ZNRF3: variants seen among roughly 807,000 people sequenced by gnomAD.
ZNRF3 encodes the protein zinc and ring finger 3.
A neutral mutation model predicts 72.5 loss-of-function variants in ZNRF3; 23 were observed. The ratio of observed to expected loss-of-function variants is 0.32; its 90% CI spans 0.23 to 0.45. The LOEUF (loss-of-function observed/expected upper bound fraction) is 0.45. ZNRF3 is among the 20% of genes least tolerant of loss of function. The probability of loss-of-function intolerance (pLI) is 1.00; values close to 1 mark genes in which losing one functional copy is unlikely to be tolerated. For synonymous variants in ZNRF3, 610 were observed against 545.3 expected (o/e 1.12, Z -1.65); for missense variants, 1,169 against 1,272.1 (o/e 0.92, Z 1.23).
chr22:28,903,313 T>G (rs469988), intron 1 of ZNRF3, among the ~76,000 whole-genome samples: 137,172 of 152,048 alleles, frequency 0.9, 62,776 homozygotes, highest in Non-Finnish European at 0.97. Flanking sequence ...TTGTTGTTCC[T>G]GGTTGCTCCG....
intron 1 of ZNRF3, among the ~76,000 whole-genome samples, chr22:28,923,358 T>C (rs921125774): frequency 2.0e-5 from 3 of 152,184 alleles, no homozygotes; most frequent in Non-Finnish European, 4.4e-5. Context: ...CCTGCACCCC[T>C]CTGGAAGCTC....
At position 29,048,371 on chromosome 22, in the gene ZNRF3, C is replaced by A; in HGVS notation, c.913-18C>A. 6.2e-7 allele frequency: 1 copy of A among 1,609,288 alleles called. No individual in the cohort carries two copies. Among genetic ancestry groups the A allele is most frequent in the Non-Finnish European group, 8.5e-7 (1 of 1,176,518 alleles). On this transcript the variant is annotated intron_variant, in intron 6 of 8. Coordinates refer to ENST00000544604, the MANE Select transcript of ZNRF3 (RefSeq NM_001206998.2). This position sits in a 1 kb window ranked among gnomAD's most constrained non-coding sequence, Gnocchi z 4.9. ...GCGAGGCTGAAGGCAGACTTGTGTC[C>A]CCTCTCTCCCTGCCCAGGAGCTGCG...
intron 2 of ZNRF3, among the ~76,000 whole-genome samples, chr22:29,038,872 C>G (rs994008535): frequency 6.6e-6 from 1 of 152,022 alleles, no homozygotes; most frequent in Non-Finnish European, 1.5e-5. Context: ...AAGTATTTTT[C>G]TCAAACAAGG....
intron 1 of ZNRF3, among the ~76,000 whole-genome samples, chr22:28,896,325 G>A (rs2033998289): frequency 6.6e-6 from 1 of 152,106 alleles, no homozygotes; most frequent in Non-Finnish European, 1.5e-5. Context: ...AGTAGAGACA[G>A]GGTTTCACCA....
chr22:28,922,050 TCA>T (rs1271405497), intron 1 of ZNRF3, among the ~76,000 whole-genome samples: 3 of 152,240 alleles, frequency 2.0e-5, no homozygotes, highest in African/African-American at 7.2e-5. Flanking sequence ...TACACCTTAT[TCA>T]CATAGCCTGA....
At chr22:29,044,966 C>A in intron 5 of ZNRF3, 76 bp downstream of exon 5, 1 of 1,062,502 alleles carries the variant, frequency 9.4e-7, no homozygotes, top group South Asian at 1.3e-5. Flanking sequence ...ACTCTCGTCA[C>A]CTTATTTTTT....
chr22:28,970,391 A>G (rs1001619881), intron 1 of ZNRF3, among the ~76,000 whole-genome samples: 2 of 152,230 alleles, frequency 1.3e-5, no homozygotes, highest in African/African-American at 2.4e-5. Flanking sequence ...AAGTGGAACA[A>G]TGGGAACCCA....
intron 2 of ZNRF3, among the ~76,000 whole-genome samples, chr22:29,001,518 C>T (rs1387251094): frequency 2.0e-5 from 3 of 148,352 alleles, no homozygotes; most frequent in Non-Finnish European, 3.0e-5. Context: ...GTTGCCCAGG[C>T]TGGAGTGCAG....
At chr22:29,051,594 ACT>A (rs1172565407) in intron 8 of ZNRF3, among the ~76,000 whole-genome samples, 2 of 134,530 alleles carry the variant, frequency 1.5e-5, no homozygotes, top group Non-Finnish European at 3.1e-5. Context: ...ACAGAGCGAG[ACT>A]CTGTCTTAAA....
chr22:28,912,170 TAA>T (rs2034330440), intron 1 of ZNRF3, among the ~76,000 whole-genome samples: 2 of 152,222 alleles, frequency 1.3e-5, no homozygotes, highest in Non-Finnish European at 2.9e-5. Context: ...TTGGAATGTT[TAA>T]AGTAGAAATA....
chr22:29,031,794 C>T (rs1156289683), intron 2 of ZNRF3, among the ~76,000 whole-genome samples: 3 of 152,150 alleles, frequency 2.0e-5, no homozygotes, highest in Admixed American at 6.5e-5. Flanking sequence ...TCGTGTTAAC[C>T]GCCCTTTTCC....
intron 2 of ZNRF3, among the ~76,000 whole-genome samples, chr22:28,993,917 G>A (rs1217508658): frequency 6.6e-6 from 1 of 152,134 alleles, no homozygotes; most frequent in African/African-American, 2.4e-5. Flanking sequence ...AGACTCAAGC[G>A]ATCCTCCTGC....
At chr22:29,046,017 T>C (rs2123883967) in intron 5 of ZNRF3, among the ~76,000 whole-genome samples, 1 of 152,296 alleles carries the variant, frequency 6.6e-6, no homozygotes, top group East Asian at 1.9e-4. Flanking sequence ...GGTCTCAGGC[T>C]CCGCTCCAGG....
At chr22:29,000,404 T>C (rs2036121811) in intron 2 of ZNRF3, among the ~76,000 whole-genome samples, 1 of 152,232 alleles carries the variant, frequency 6.6e-6, no homozygotes, top group Non-Finnish European at 1.5e-5. Context: ...TAACCTTGGC[T>C]TGATTTTTAG....
chr22:28,948,034 G>A lies in ZNRF3; in HGVS notation c.301-39042G>A, dbSNP rs183107238. 7.8e-3 allele frequency among the ~76,000 whole-genome samples: 1,189 copies of A among 151,790 alleles called. 17 individuals carry two copies. Among genetic ancestry groups the A allele is most frequent in the African/African-American group, 0.028 (1,147 of 41,364 alleles). ...TAATTTTTGTATTTTTAGTAGAGAC[G>A]GGGTTTCACCGTGTTGGTCAGGATG... On this transcript the variant is annotated intron_variant, in intron 1 of 8. Coordinates refer to ENST00000544604, the MANE Select transcript of ZNRF3 (RefSeq NM_001206998.2).
chr22:28,919,377 T>A (rs1312866105), intron 1 of ZNRF3, among the ~76,000 whole-genome samples: 3 of 152,210 alleles, frequency 2.0e-5, no homozygotes, highest in Non-Finnish European at 4.4e-5. Flanking sequence ...ACATTAATGA[T>A]CTCATTTATT....
intron 1 of ZNRF3, among the ~76,000 whole-genome samples, chr22:28,936,344 C>T (rs2123782755): frequency 6.6e-6 from 1 of 152,324 alleles, no homozygotes; most frequent in South Asian, 2.1e-4. Flanking sequence ...GCCTATTCAG[C>T]CTAGGTGTCG....
In ZNRF3 at chr22:29,056,811, C is replaced by T. The variant is rs2037308870; in HGVS notation, c.*3189C>T. 1 of 152,212 alleles carries T rather than the reference C, an allele frequency of 6.6e-6. No individual in the cohort carries two copies. The highest frequency in any genetic ancestry group is 6.5e-5 in the Admixed American group (1 of 15,288). 9.4% of individuals were successfully genotyped at this position (152,212 alleles called of 1,614,324 possible). A position where few individuals can be genotyped will look rare whatever the true frequency, so the allele number is the denominator to read the frequency against. On this transcript the variant is annotated 3_prime_UTR_variant, in exon 9 of 9. Transcript: ENST00000544604. ...GCCCCAGTAAGCTGGCTTTAACTCT[C>T]AGCTCCTTCCCTGTCTCCTCCTAAT...
chr22:28,996,123 G>A (rs926179964), intron 2 of ZNRF3, among the ~76,000 whole-genome samples: 5 of 151,292 alleles, frequency 3.3e-5, no homozygotes, highest in East Asian at 1.9e-4. Context: ...TTATTTTTTC[G>A]AGGCAGGGTC....
Sources: allele counts gnomAD v4.1 joint callset (sites outside exome capture counted in the v4.1 genomes callset), GRCh38; gene constraint gnomAD v4.1.1; non-coding constraint Gnocchi (gnomAD v3.1); transcripts MANE v1.5; gene names NCBI Gene and HGNC (gene_info 2026-07-23, HGNC 2026-07-21).